The following DIRAS2 variants were observed in gnomAD, a reference collection of about 807,000 sequenced individuals.
The protein encoded by DIRAS2 is GTP-binding protein Di-Ras2.
A neutral mutation model predicts 13.9 loss-of-function variants in DIRAS2; 5 were observed. The ratio of observed to expected loss-of-function variants is 0.36; its 90% CI spans 0.19 to 0.76. The LOEUF (loss-of-function observed/expected upper bound fraction) is 0.76, where lower values mean the gene tolerates loss of function less well. DIRAS2 is among the 30% of genes least tolerant of loss of function. The pLI, the probability that DIRAS2 is intolerant of heterozygous loss-of-function variation, is 0.53. For synonymous variants in DIRAS2, 111 were observed against 105.4 expected (o/e 1.05, Z -0.33); for missense variants, 191 against 263.0 (o/e 0.73, Z 1.89).
At chr9:90,619,770 T>C (rs1825202632) in intron 1 of DIRAS2, among the ~76,000 whole-genome samples, 1 of 152,130 alleles carries the variant, frequency 6.6e-6, no homozygotes, top group Non-Finnish European at 1.5e-5. Flanking sequence ...ATATTAAGCA[T>C]AATAGCCAAA....
intron 1 of DIRAS2, among the ~76,000 whole-genome samples, chr9:90,633,324 G>A (rs1478264518): frequency 6.6e-6 from 1 of 152,186 alleles, no homozygotes; most frequent in Admixed American, 6.5e-5. Context: ...TGGAGGAGAA[G>A]GAAGCATCAG....
chr9:90,627,608 T>C (rs933856976), intron 1 of DIRAS2, among the ~76,000 whole-genome samples: 24 of 152,232 alleles, frequency 1.6e-4, no homozygotes, highest in Non-Finnish European at 3.2e-4. Flanking sequence ...ATGGTGGTGA[T>C]GGTTGCATAA....
chr9:90,612,702 G>C lies in DIRAS2; in HGVS notation c.*526C>G, dbSNP rs199724640. 2 of 158,678 alleles carry C rather than the reference G, an allele frequency of 1.3e-5. No individual in the cohort carries two copies. Among genetic ancestry groups the C allele is most frequent in the East Asian group, 3.7e-4 (2 of 5,386 alleles). 9.8% of individuals were successfully genotyped at this position (158,678 alleles called of 1,614,324 possible). On this transcript the variant is annotated 3_prime_UTR_variant, in exon 2 of 2. Coordinates refer to ENST00000375765, the MANE Select transcript of DIRAS2 (RefSeq NM_017594.5). ...GGGAATTAAGAACGGACACCCTTTG[G>C]GGGAGAGGCTGTGTTTTTTAATCCC...
At chr9:90,618,173 G>A (rs1191388280) in intron 1 of DIRAS2, among the ~76,000 whole-genome samples, 3 of 152,160 alleles carry the variant, frequency 2.0e-5, no homozygotes, top group Non-Finnish European at 2.9e-5. Context: ...TCAAACTCAC[G>A]ACAAGGATAT....
intron 1 of DIRAS2, among the ~76,000 whole-genome samples, chr9:90,636,317 C>G (rs1198982262): frequency 2.6e-5 from 4 of 152,038 alleles, no homozygotes; most frequent in Non-Finnish European, 5.9e-5. Context: ...GGATTATAGG[C>G]GTGAGCTACC....
chr9:90,618,499 G>A (rs1236212194), intron 1 of DIRAS2, among the ~76,000 whole-genome samples: 1 of 152,176 alleles, frequency 6.6e-6, no homozygotes, highest in Non-Finnish European at 1.5e-5. Context: ...TAACCTTGGA[G>A]TAAACAGTGT....
intron 1 of DIRAS2, among the ~76,000 whole-genome samples, chr9:90,625,291 C>T (rs992080010): frequency 1.3e-5 from 2 of 152,146 alleles, no homozygotes; most frequent in African/African-American, 4.8e-5. Flanking sequence ...GTGTTAGCCA[C>T]CTAAAAGTTT....
At chr9:90,630,193 C>G (rs1385396536) in intron 1 of DIRAS2, among the ~76,000 whole-genome samples, 3 of 152,192 alleles carry the variant, frequency 2.0e-5, no homozygotes, top group Non-Finnish European at 4.4e-5. Context: ...AGCCCAATGT[C>G]AGGTACATCA....
At chr9:90,642,049 G>C (rs1270134296) in intron 1 of DIRAS2, among the ~76,000 whole-genome samples, 1 of 152,180 alleles carries the variant, frequency 6.6e-6, no homozygotes, top group African/African-American at 2.4e-5. Flanking sequence ...GTTTTAAAGA[G>C]GAAAAACAGC....
Position 90,613,602 on chromosome 9 carries a change from T to G in DIRAS2, c.226A>C (p.Ile76Leu). Residue 76 changes from isoleucine to leucine, a missense_variant, in exon 2 of 2, where the codon ATC becomes CTC. Coordinates refer to ENST00000375765, the MANE Select transcript of DIRAS2 (RefSeq NM_017594.5). The surrounding 1 kb of genome is among the most constrained non-coding windows in gnomAD (Gnocchi z 5.6). ...AGGATGAAGGCGTGCCCTTTGGAGA[T>G]GGACAGCCGCTGCATGGCCGGGAAC... ...HQFPAMQRLSISKGHAFILVY... is the reference protein window; with the variant it reads ...HQFPAMQRLSLSKGHAFILVY... 1 of 1,614,154 alleles carries G rather than the reference T, an allele frequency of 6.2e-7. No individual in the cohort carries two copies. Among genetic ancestry groups the G allele is most frequent in the East Asian group, 2.2e-5 (1 of 44,864 alleles).
chr9:90,623,920 G>A (rs1047125976), intron 1 of DIRAS2, among the ~76,000 whole-genome samples: 14 of 152,202 alleles, frequency 9.2e-5, no homozygotes, highest in African/African-American at 2.4e-4. Context: ...GGAAGAATTC[G>A]GATCTTTAAG....
At chr9:90,624,109 A>C (rs1265228417) in intron 1 of DIRAS2, among the ~76,000 whole-genome samples, 2 of 152,244 alleles carry the variant, frequency 1.3e-5, no homozygotes, top group Admixed American at 6.5e-5. Flanking sequence ...CTTTAAACAA[A>C]TCTTATATTT....
chr9:90,635,675 G>A (rs1825363871), intron 1 of DIRAS2, among the ~76,000 whole-genome samples: 1 of 152,230 alleles, frequency 6.6e-6, no homozygotes. Flanking sequence ...GGGCAAAAGT[G>A]TCCTCATAAG....
At chr9:90,627,447 A>T (rs1825280363) in intron 1 of DIRAS2, among the ~76,000 whole-genome samples, 1 of 152,230 alleles carries the variant, frequency 6.6e-6, no homozygotes, top group Non-Finnish European at 1.5e-5. Context: ...TACTGTATGA[A>T]TTCACTTATA....
At chr9:90,626,313 A>C (rs896987340) in intron 1 of DIRAS2, 1 of 152,688 alleles carries the variant, frequency 6.5e-6, no homozygotes, top group East Asian at 1.9e-4. Flanking sequence ...CCAACTAAAA[A>C]ACCAACAAAG....
chr9:90,613,859 C>T lies in DIRAS2; in HGVS notation c.-32G>A, dbSNP rs779081425. The T allele has an allele frequency of 5.7e-6, 9 of 1,578,520 alleles. No individual in the cohort carries two copies. The highest frequency in any genetic ancestry group is 5.5e-5 in the Admixed American group (3 of 54,682). On this transcript the variant is annotated 5_prime_UTR_variant, in exon 2 of 2. Coordinates refer to ENST00000375765, the MANE Select transcript of DIRAS2 (RefSeq NM_017594.5). The surrounding 1 kb of genome is among the most constrained non-coding windows in gnomAD (Gnocchi z 5.6). ...GGAGAGCTCCAACTCTCAGCCAGGA[C>T]GCACCTAGCAAAGGAACCAGATGTT... is the stretch of plus-strand genomic sequence containing the variant.
Position 90,610,705 on chromosome 9 carries a change from A to G in DIRAS2, c.*2523T>C, listed in dbSNP as rs1171988447. ...GGATCTCCTAAAAGACGATTTTGAGATAACCATTGATATCCTCAGTTCAGC... is the reference window on the plus strand; with the variant it reads ...GGATCTCCTAAAAGACGATTTTGAGGTAACCATTGATATCCTCAGTTCAGC... On this transcript the variant is annotated 3_prime_UTR_variant, in exon 2 of 2. Transcript: ENST00000375765. The G allele has an allele frequency of 1.5e-5, 5 of 324,762 alleles. No homozygotes were observed. Among genetic ancestry groups the G allele is most frequent in the Non-Finnish European group, 2.8e-5 (5 of 181,316 alleles). 20.1% of individuals were successfully genotyped at this position (324,762 alleles called of 1,614,324 possible). A position where few individuals can be genotyped will look rare whatever the true frequency, so the allele number is the denominator to read the frequency against.
chr9:90,611,411 C>T lies in DIRAS2; in HGVS notation c.*1817G>A, dbSNP rs543292784. ...GGAGATCATGGAGTCAAGCAGTTCT[C>T]AAAGGCACCTCCCACGCTCTAAACA... On this transcript the variant is annotated 3_prime_UTR_variant, in exon 2 of 2. Transcript: ENST00000375765. The T allele has an allele frequency of 4.6e-5, 7 of 152,362 alleles. No individual in the cohort carries two copies. The highest frequency in any genetic ancestry group is 1.7e-4 in the African/African-American group (7 of 41,538). 9.4% of individuals were successfully genotyped at this position (152,362 alleles called of 1,614,324 possible). A position where few individuals can be genotyped will look rare whatever the true frequency, so the allele number is the denominator to read the frequency against.
At chr9:90,625,461 T>C (rs1210132297) in intron 1 of DIRAS2, among the ~76,000 whole-genome samples, 1 of 152,228 alleles carries the variant, frequency 6.6e-6, no homozygotes, top group Non-Finnish European at 1.5e-5. Context: ...AGTTCTTATG[T>C]TTAGGTCATT....
Sources: allele counts gnomAD v4.1 joint callset (sites outside exome capture counted in the v4.1 genomes callset), GRCh38; gene constraint gnomAD v4.1.1; non-coding constraint Gnocchi (gnomAD v3.1); transcripts MANE v1.5; gene names NCBI Gene and HGNC (gene_info 2026-07-23, HGNC 2026-07-21).